MEGF9: variants seen among roughly 807,000 people sequenced by gnomAD.
MEGF9 encodes multiple epidermal growth factor-like domains protein 9.
A neutral mutation model predicts 46.8 loss-of-function variants in MEGF9; 6 were observed. That is an observed-to-expected ratio of 0.13 (90% CI 0.07 to 0.25). The LOEUF (loss-of-function observed/expected upper bound fraction) is 0.25, where lower values mean the gene tolerates loss of function less well. Ranked by LOEUF, MEGF9 falls within the 10% of genes least tolerant of loss-of-function variation. The pLI is 1.00. For missense variants in MEGF9, 683 were observed against 792.4 expected (o/e 0.86, Z 1.66); for synonymous variants, 302 against 330.7 (o/e 0.91, Z 0.94).
chr9:120,714,070 C>G lies in MEGF9; in HGVS notation c.289G>C (p.Ala97Pro). The G allele has an allele frequency of 7.8e-7, 1 of 1,278,192 alleles. No individual in the cohort carries two copies. The highest frequency in any genetic ancestry group is 3.0e-5 in the East Asian group (1 of 33,318). 79.2% of individuals were successfully genotyped at this position (1,278,192 alleles called of 1,614,324 possible). The change falls in exon 1 of 6, where the codon GCC (alanine) becomes CCC (proline). Residue 97 changes from alanine (A) to proline (P), a missense_variant. Ala to Pro is a conservative substitution (Grantham distance 27). Coordinates refer to ENST00000373930, the MANE Select transcript of MEGF9 (RefSeq NM_001080497.3). ...VHRPLAATSP[A>P]QSPETTPLWA... ...AGAGGGGTGGTCTCCGGGGACTGGGCTGGAGAAGTCGCAGCCAGGGGTCGG... is the reference window on the plus strand; with the variant it reads ...AGAGGGGTGGTCTCCGGGGACTGGGGTGGAGAAGTCGCAGCCAGGGGTCGG...
At chr9:120,636,037 C>T (rs548112253) in intron 2 of MEGF9, among the ~76,000 whole-genome samples, 6 of 152,204 alleles carry the variant, frequency 3.9e-5, no homozygotes, top group South Asian at 4.1e-4. Context: ...CAAGTTCAAG[C>T]GATTCTCTTG....
intron 1 of MEGF9, among the ~76,000 whole-genome samples, chr9:120,671,740 G>A (rs959471162): frequency 2.6e-5 from 4 of 152,248 alleles, no homozygotes; most frequent in Admixed American, 6.5e-5. Flanking sequence ...GAAGAGGTAC[G>A]AATCCTTTCC....
intron 1 of MEGF9, among the ~76,000 whole-genome samples, chr9:120,683,737 A>G (rs2043809039): frequency 6.6e-6 from 1 of 152,090 alleles, no homozygotes; most frequent in African/African-American, 2.4e-5. Flanking sequence ...TACTTAAAAT[A>G]CAAAAAATTA....
rs183136060 is a variant in MEGF9 at position 120,663,804 on chromosome 9, C to A, written c.602-4229G>T. On this transcript the variant is annotated intron_variant, in intron 1 of 5. Coordinates refer to ENST00000373930, the MANE Select transcript of MEGF9 (RefSeq NM_001080497.3). ...CAGCCCTTTAATTCTTTGGAAAACT[C>A]TATAGAGAAATAATTAGAGAAGGGT... 9.9e-5 allele frequency among the ~76,000 whole-genome samples: 15 copies of A among 152,228 alleles called. No homozygotes were observed. The East Asian group carries it at 2.5e-3, about 25-fold the overall frequency.
Position 120,714,263 on chromosome 9 carries a change from G to A in MEGF9, c.96C>T (p.Val32=). The change falls in exon 1 of 6, where the codon GTC becomes GTT. Residue 32 remains valine (V), a synonymous_variant. Coordinates refer to ENST00000373930, the MANE Select transcript of MEGF9 (RefSeq NM_001080497.3). ...CCAAAAAAAA[V]ASAASAGNVT... The stretch of plus-strand genomic sequence containing the variant: ...CATTCCCCGCCGAGGCGGCTGAGGC[G>A]ACGGCGGCGGCGGCGGCGGCGGCGG... 8.5e-7 allele frequency: 1 copy of A among 1,180,858 alleles called. No homozygotes were observed. Among genetic ancestry groups the A allele is most frequent in the Non-Finnish European group, 1.0e-6 (1 of 968,596 alleles). The allele number at this position is 1,180,858 out of a possible 1,614,324, so 73.1% of individuals were successfully genotyped here.
chr9:120,688,573 C>T (rs78142656), intron 1 of MEGF9, among the ~76,000 whole-genome samples: 6,224 of 152,150 alleles, frequency 0.041, 418 homozygotes, highest in African/African-American at 0.14. Context: ...TAGAAATGGA[C>T]ACACAATTAG....
In MEGF9 at chr9:120,601,348, G is replaced by C. The variant is rs1463540994; in HGVS notation, c.*3842C>G. The C allele has an allele frequency of 6.6e-6, 1 of 152,214 alleles. No individual in the cohort carries two copies. The highest frequency in any genetic ancestry group is 1.5e-5 in the Non-Finnish European group (1 of 68,042). 9.4% of individuals were successfully genotyped at this position (152,214 alleles called of 1,614,324 possible). ...TTATGTTCACCAAGCATCCTAAAAA[G>C]TGTAGGACCAAGGTGAATGATCTAA... On this transcript the variant is annotated 3_prime_UTR_variant, in exon 6 of 6. Transcript: ENST00000373930.
Position 120,694,506 on chromosome 9 carries a change from C to T in MEGF9, c.601+19252G>A, listed in dbSNP as rs1354878380. On this transcript the variant is annotated intron_variant, in intron 1 of 5. Transcript: ENST00000373930. The stretch of plus-strand genomic sequence containing the variant: ...GAATTCTAAGTGTTTTACATTTATA[C>T]GAATCATTTCATAATTATGGGCCTC... Among the ~76,000 whole-genome samples, 7 of 152,220 alleles carry T rather than the reference C, an allele frequency of 4.6e-5. 1 individual carries two copies. The highest frequency in any genetic ancestry group is 4.1e-4 in the South Asian group (2 of 4,836).
In MEGF9 at chr9:120,689,945, G is replaced by A. The variant is rs115269140; in HGVS notation, c.601+23813C>T. The A allele has an allele frequency of 1.3e-3, 697 of 532,456 alleles. 6 individuals carry two copies. Among genetic ancestry groups the A allele is most frequent in the African/African-American group, 0.012 (634 of 51,976 alleles). 33.0% of individuals were successfully genotyped at this position (532,456 alleles called of 1,614,324 possible). ...TTCTACCCGTTTTAACAGCTTCTGA[G>A]ACTCTAAGATTCATGACTGGCTGTG... On this transcript the variant is annotated intron_variant, in intron 1 of 5. Coordinates refer to ENST00000373930, the MANE Select transcript of MEGF9 (RefSeq NM_001080497.3).
At position 120,677,903 on chromosome 9, in the gene MEGF9, T is replaced by A. The variant is rs544410772; in HGVS notation, c.602-18328A>T. Among the ~76,000 whole-genome samples the A allele has an allele frequency of 5.3e-5, 8 of 152,266 alleles. No homozygotes were observed. In the East Asian group the frequency reaches 7.7e-4, roughly 15 times the overall value. On this transcript the variant is annotated intron_variant, in intron 1 of 5. Coordinates refer to ENST00000373930, the MANE Select transcript of MEGF9 (RefSeq NM_001080497.3). ...TTTTATTTTTTGTACCCATTAACCA[T>A]CCCCACCTCCCTTCCATGCAACCCC...
At chr9:120,688,039 T>G (rs1475654478) in intron 1 of MEGF9, among the ~76,000 whole-genome samples, 2 of 152,078 alleles carry the variant, frequency 1.3e-5, no homozygotes, top group African/African-American at 4.8e-5. Flanking sequence ...AAACTTGTAC[T>G]ATAGAAATAA....
chr9:120,635,104 T>A (rs562650662), intron 2 of MEGF9, among the ~76,000 whole-genome samples: 3 of 151,796 alleles, frequency 2.0e-5, no homozygotes, highest in African/African-American at 7.2e-5. Context: ...CTTGGTTCAC[T>A]TTTTTTTTCC....
At chr9:120,674,574 CTCTT>C (rs948065185) in intron 1 of MEGF9, among the ~76,000 whole-genome samples, 27 of 151,708 alleles carry the variant, frequency 1.8e-4, no homozygotes, top group Middle Eastern at 6.8e-3. Context: ...TCTTCTCTCT[CTCTT>C]TTTTTTTTGA....
At chr9:120,654,159 G>A (rs1470445998) in intron 2 of MEGF9, among the ~76,000 whole-genome samples, 1 of 152,184 alleles carries the variant, frequency 6.6e-6, no homozygotes, top group East Asian at 1.9e-4. Context: ...AGCTGCAGGG[G>A]AAGGAAGATC....
At position 120,608,026 on chromosome 9, in the gene MEGF9, C is replaced by A. The variant is rs1330242469; in HGVS notation, c.1088-16G>T. On this transcript the variant is annotated splice_polypyrimidine_tract_variant and intron_variant, in intron 4 of 5. Coordinates refer to ENST00000373930, the MANE Select transcript of MEGF9 (RefSeq NM_001080497.3). ...TCACTCGATTCTAAAAGAGAGAATG[C>A]CAAAATAGTTTAGTACAGTCTGAAG... 6.2e-7 allele frequency: 1 copy of A among 1,612,458 alleles called. No homozygotes were observed. Among genetic ancestry groups the A allele is most frequent in the Non-Finnish European group, 8.5e-7 (1 of 1,178,590 alleles).
chr9:120,635,565 A>C (rs1193714205), intron 2 of MEGF9, among the ~76,000 whole-genome samples: 9 of 151,700 alleles, frequency 5.9e-5, no homozygotes, highest in Non-Finnish European at 1.3e-4. Flanking sequence ...CCTATCTTCA[A>C]GTTCAGGGAT....
intron 2 of MEGF9, among the ~76,000 whole-genome samples, chr9:120,656,458 A>G (rs2043677115): frequency 2.0e-5 from 3 of 150,606 alleles, no homozygotes; most frequent in Admixed American, 1.3e-4. Flanking sequence ...CAGGCAGGAG[A>G]ATGGCGTGAA....
At chr9:120,626,559 T>C (rs1224528810) in intron 2 of MEGF9, among the ~76,000 whole-genome samples, 2 of 152,208 alleles carry the variant, frequency 1.3e-5, no homozygotes, top group East Asian at 3.8e-4. Flanking sequence ...ATATGGTACA[T>C]ATCTATGTCA....
Position 120,714,224 on chromosome 9 carries a change from G to A in MEGF9, c.135C>T (p.Gly45=). 8.1e-7 allele frequency: 1 copy of A among 1,235,766 alleles called. No homozygotes were observed. Among genetic ancestry groups the A allele is most frequent in the Non-Finnish European group, 1.0e-6 (1 of 991,770 alleles). The allele number at this position is 1,235,766 out of a possible 1,614,324, so 76.6% of individuals were successfully genotyped here. A position where few individuals can be genotyped will look rare whatever the true frequency, so the allele number is the denominator to read the frequency against. The change falls in exon 1 of 6, where the codon GGC becomes GGT. Residue 45 remains glycine, a synonymous_variant. Coordinates refer to ENST00000373930, the MANE Select transcript of MEGF9 (RefSeq NM_001080497.3). ...ACGCGTCCACCTGCCCCGCGGCCCC[G>A]CCGCCACCGGTGACATTCCCCGCCG... is the stretch of plus-strand genomic sequence containing the variant. The part of the protein sequence containing the change: ...AASAGNVTGG[G]GAAGQVDASP...
Sources: gnomAD v4.1 joint callset for allele counts (sites outside exome capture counted in the v4.1 genomes callset) on GRCh38, gnomAD v4.1.1 for gene constraint, MANE v1.5 for transcripts, NCBI Gene and HGNC (gene_info 2026-07-23, HGNC 2026-07-21) for gene names.